The following MIGA1 variants were observed in gnomAD, a reference collection of about 807,000 sequenced individuals.
MIGA1 encodes mitoguardin 1.
In MIGA1, 58 loss-of-function variants were observed where a neutral mutation model predicts 82.0. The ratio of observed to expected loss-of-function variants is 0.71; its 90% CI spans 0.57 to 0.88. The LOEUF is 0.88. Ranked by LOEUF, MIGA1 falls within the 40% of genes least tolerant of loss-of-function variation. MIGA1 has a pLI of 0.00. For missense variants in MIGA1, 751 were observed against 749.1 expected (o/e 1.00, Z -0.03); for synonymous variants, 249 against 253.6 (o/e 0.98, Z 0.17).
At chr1:77,790,660 A>G (rs888915905) in intron 2 of MIGA1, among the ~76,000 whole-genome samples, 1 of 146,728 alleles carries the variant, frequency 6.8e-6, no homozygotes. Context: ...ATCTTGGCTC[A>G]CTTGCAACCT....
chr1:77,815,806 T>G (rs1196897866), intron 7 of MIGA1, among the ~76,000 whole-genome samples: 2 of 152,230 alleles, frequency 1.3e-5, no homozygotes, highest in Non-Finnish European at 2.9e-5. Flanking sequence ...CACAGCTCAC[T>G]GCAGCCTTGA....
chr1:77,864,049 C>T, intron 13 of MIGA1, 21 bp downstream of exon 13: 1 of 1,601,750 alleles, frequency 6.2e-7, no homozygotes, highest in South Asian at 1.1e-5. Context: ...GTTAACCTTT[C>T]TCAGCCTTTT....
intron 2 of MIGA1, among the ~76,000 whole-genome samples, chr1:77,796,964 C>G (rs1181380404): frequency 1.3e-5 from 2 of 152,202 alleles, no homozygotes; most frequent in African/African-American, 4.8e-5. Context: ...GTGGTCACCT[C>G]TGACCGCTAG....
At chr1:77,845,729 C>A (rs1443589786) in intron 8 of MIGA1, among the ~76,000 whole-genome samples, 2 of 152,066 alleles carry the variant, frequency 1.3e-5, no homozygotes, top group Non-Finnish European at 1.5e-5. Flanking sequence ...AAGAAAATTA[C>A]TAAGTTAATA....
intron 2 of MIGA1, among the ~76,000 whole-genome samples, chr1:77,800,812 A>G (rs1317770851): frequency 6.6e-6 from 1 of 152,224 alleles, no homozygotes; most frequent in Non-Finnish European, 1.5e-5. Flanking sequence ...CTCATAGAAT[A>G]GAATTACAGT....
At chr1:77,836,833 A>C (rs897533628) in intron 7 of MIGA1, among the ~76,000 whole-genome samples, 1 of 152,218 alleles carries the variant, frequency 6.6e-6, no homozygotes, top group Non-Finnish European at 1.5e-5. Flanking sequence ...ATAGAAAAGA[A>C]CATTGGATAG....
intron 7 of MIGA1, among the ~76,000 whole-genome samples, chr1:77,818,611 T>A (rs977649713): frequency 5.9e-5 from 9 of 152,142 alleles, no homozygotes; most frequent in African/African-American, 2.2e-4. Flanking sequence ...AATTAGATGA[T>A]GGCTAAGAAG....
chr1:77,845,066 A>C (rs1216662764), intron 8 of MIGA1, among the ~76,000 whole-genome samples: 1 of 152,222 alleles, frequency 6.6e-6, no homozygotes, highest in African/African-American at 2.4e-5. Context: ...AGATATTCCA[A>C]TACCTGTACC....
intron 2 of MIGA1, among the ~76,000 whole-genome samples, chr1:77,784,766 C>CG (rs1682073490): frequency 6.6e-6 from 1 of 152,070 alleles, no homozygotes; most frequent in African/African-American, 2.4e-5. Flanking sequence ...AAAAGAAAGA[C>CG]GTTTATTGGA....
At chr1:77,826,558 C>T (rs1684033773) in intron 7 of MIGA1, among the ~76,000 whole-genome samples, 1 of 152,182 alleles carries the variant, frequency 6.6e-6, no homozygotes, top group African/African-American at 2.4e-5. Flanking sequence ...TCACCACAGC[C>T]TCAACTTCCT....
At chr1:77,826,499 A>T (rs1684032102) in intron 7 of MIGA1, among the ~76,000 whole-genome samples, 1 of 152,138 alleles carries the variant, frequency 6.6e-6, no homozygotes, top group Non-Finnish European at 1.5e-5. Flanking sequence ...TATTTGAGAC[A>T]GGGTCTTGCT....
At chr1:77,817,079 C>T (rs1037914127) in intron 7 of MIGA1, among the ~76,000 whole-genome samples, 45 of 151,924 alleles carry the variant, frequency 3.0e-4, no homozygotes, top group African/African-American at 1.1e-3. Flanking sequence ...AGTTCTTGTT[C>T]CTTTAGTCTT....
chr1:77,838,348 A>ATTTATTTATTAT lies in MIGA1; in HGVS notation c.896-4957_896-4956insTATTTATTATTT, dbSNP rs534113293. ...AGCTTATTTATTTATTTATTTATTTATTATTTATTTATTTATTTTGAGACA... is the reference window on the plus strand; with the variant it reads ...AGCTTATTTATTTATTTATTTATTTATTTATTTATTATTTATTTATTTATTTATTTTGAGACA... On this transcript the variant is annotated intron_variant, in intron 7 of 15. Coordinates refer to ENST00000370791, the MANE Select transcript of MIGA1 (RefSeq NM_198549.4). Among the ~76,000 whole-genome samples the ATTTATTTATTAT allele has an allele frequency of 1.8e-3, 269 of 149,360 alleles. 1 individual carries two copies. Among genetic ancestry groups the ATTTATTTATTAT allele is most frequent in the African/African-American group, 6.3e-3 (256 of 40,582 alleles).
intron 7 of MIGA1, among the ~76,000 whole-genome samples, chr1:77,829,525 G>A (rs914186845): frequency 1.3e-5 from 2 of 152,092 alleles, no homozygotes; most frequent in Non-Finnish European, 1.5e-5. Flanking sequence ...CTGGAGTGCC[G>A]CGGCGCGATC....
chr1:77,782,387 A>G (rs975608047), intron 1 of MIGA1, among the ~76,000 whole-genome samples: 7 of 152,064 alleles, frequency 4.6e-5, no homozygotes, highest in African/African-American at 1.7e-4. Flanking sequence ...TCAGCTTCCT[A>G]TGGTCTTTTA....
At chr1:77,841,209 A>G (rs966375946) in intron 7 of MIGA1, among the ~76,000 whole-genome samples, 2 of 152,182 alleles carry the variant, frequency 1.3e-5, no homozygotes, top group Non-Finnish European at 2.9e-5. Context: ...ATTTAGTAGT[A>G]GAAAGATTTT....
intron 6 of MIGA1, 139 bp downstream of exon 6, chr1:77,814,006 T>G: frequency 2.5e-6 from 2 of 808,394 alleles, no homozygotes; most frequent in Non-Finnish European, 3.9e-6. Flanking sequence ...TCTTCCCGCC[T>G]TGTCCTCTGA....
At chr1:77,844,201 C>T (rs1228944517) in intron 8 of MIGA1, among the ~76,000 whole-genome samples, 1 of 148,574 alleles carries the variant, frequency 6.7e-6, no homozygotes, top group African/African-American at 2.5e-5. Context: ...CACATACACA[C>T]ATTCACTGTG....
intron 7 of MIGA1, among the ~76,000 whole-genome samples, chr1:77,823,198 A>T (rs964569726): frequency 6.6e-6 from 1 of 152,186 alleles, no homozygotes; most frequent in Admixed American, 6.5e-5. Flanking sequence ...TTGAAAATAA[A>T]TGATGTCTAT....
Sources: gnomAD v4.1 joint callset for allele counts (sites outside exome capture counted in the v4.1 genomes callset) on GRCh38, gnomAD v4.1.1 for gene constraint, MANE v1.5 for transcripts, NCBI Gene and HGNC (gene_info 2026-07-23, HGNC 2026-07-21) for gene names.